Variants in FAM120B observed in about 807,000 individuals in gnomAD.
FAM120B encodes family with sequence similarity 120 member B.
Under a neutral mutation model 96.3 loss-of-function variants are expected in FAM120B, and 83 were observed. That is an observed-to-expected ratio of 0.86 (90% CI 0.72 to 1.03). FAM120B has a LOEUF of 1.03. Among genes scored for constraint, FAM120B ranks in the 50% least tolerant of loss-of-function variants. The pLI, the probability that FAM120B is intolerant of heterozygous loss-of-function variation, is 0.00. For synonymous variants in FAM120B, 407 were observed against 402.7 expected (o/e 1.01, Z -0.13); for missense variants, 1,027 against 1,121.2 (o/e 0.92, Z 1.20).
intron 2 of FAM120B, among the ~76,000 whole-genome samples, chr6:170,322,606 A>G (rs1249195338): frequency 6.6e-6 from 1 of 152,058 alleles, no homozygotes; most frequent in Non-Finnish European, 1.5e-5. Flanking sequence ...GAAAAAGGAG[A>G]TTGAGGCTTT....
chr6:170,377,228 G>A (rs865963131), intron 6 of FAM120B, among the ~76,000 whole-genome samples: 2 of 104,508 alleles, frequency 1.9e-5, no homozygotes, highest in Non-Finnish European at 1.8e-5. Context: ...GTGCACACGC[G>A]TCCCTAATCC....
chr6:170,291,708 G>A (rs906745275), upstream of FAM120B, among the ~76,000 whole-genome samples: 1 of 152,300 alleles, frequency 6.6e-6, no homozygotes, highest in African/African-American at 2.4e-5. Flanking sequence ...CGCGGGCGGG[G>A]CCGGGACGCC....
In FAM120B at chr6:170,368,217, G is replaced by C. The variant is rs114361073; in HGVS notation, c.2283+9899G>C. Among the ~76,000 whole-genome samples the C allele has an allele frequency of 6.4e-3, 968 of 152,280 alleles. 10 individuals carry two copies. Among genetic ancestry groups the C allele is most frequent in the African/African-American group, 0.022 (928 of 41,552 alleles). On this transcript the variant is annotated intron_variant, in intron 6 of 10. Coordinates refer to ENST00000476287, the MANE Select transcript of FAM120B (RefSeq NM_032448.3). ...CAGATTAGTGGAACGGTTTGCACCA[G>C]GTCAAGGTATAGTGCATGTCTGAGC...
chr6:170,383,774 A>G (rs571470332), intron 6 of FAM120B, among the ~76,000 whole-genome samples: 5 of 152,368 alleles, frequency 3.3e-5, no homozygotes, highest in East Asian at 1.9e-4. Context: ...TGAACTAGCA[A>G]TCACATGCCT....
At position 170,363,270 on chromosome 6, in the gene FAM120B, A is replaced by G. The variant is rs1319752568; in HGVS notation, c.2283+4952A>G. Reference sequence around the variant, plus strand: ...GCTAATCATTGGGAAGTTCTTGGTCATTTTTTGGTTGGAAAATTAAAAGGA... The same window carrying G: ...GCTAATCATTGGGAAGTTCTTGGTCGTTTTTTGGTTGGAAAATTAAAAGGA... On this transcript the variant is annotated intron_variant, in intron 6 of 10. Transcript: ENST00000476287. The surrounding 1 kb of genome is among the most constrained non-coding windows in gnomAD (Gnocchi z 4.5). Among the ~76,000 whole-genome samples the G allele has an allele frequency of 3.3e-5, 5 of 152,204 alleles. No individual in the cohort carries two copies. Among genetic ancestry groups the G allele is most frequent in the Non-Finnish European group, 5.9e-5 (4 of 68,042 alleles).
intron 4 of FAM120B, among the ~76,000 whole-genome samples, chr6:170,344,884 C>A (rs1787076079): frequency 6.6e-6 from 1 of 152,214 alleles, no homozygotes; most frequent in African/African-American, 2.4e-5. Flanking sequence ...TTCCCCTTTT[C>A]TTCTCTCGTC....
chr6:170,353,650 A>G (rs545959858), intron 5 of FAM120B, among the ~76,000 whole-genome samples: 39 of 152,224 alleles, frequency 2.6e-4, no homozygotes, highest in Non-Finnish European at 4.4e-4. Flanking sequence ...AAAGCAAATC[A>G]CAAATAAACT....
intron 1 of FAM120B, among the ~76,000 whole-genome samples, chr6:170,309,270 A>G (rs1264291128): frequency 6.6e-6 from 1 of 152,228 alleles, no homozygotes; most frequent in East Asian, 1.9e-4. Context: ...TAAATTATTT[A>G]TGCAAAGATA....
At chr6:170,364,931 A>G (rs1788679082) in intron 6 of FAM120B, among the ~76,000 whole-genome samples, 2 of 152,328 alleles carry the variant, frequency 1.3e-5, no homozygotes, top group South Asian at 4.1e-4. Context: ...GTACATGTTC[A>G]TATAGATGAC....
Position 170,405,941 on chromosome 6 carries a change from C to T in FAM120B, c.*1190C>T, listed in dbSNP as rs1471941656. On this transcript the variant is annotated 3_prime_UTR_variant, in exon 11 of 11. Transcript: ENST00000476287. ...AGCCAGCGGCTGGGCTGCCATCAGG[C>T]CTGGTTTATGATGCCACAAGTGAAT... The T allele has an allele frequency of 6.6e-6, 1 of 152,054 alleles. No homozygotes were observed. Among genetic ancestry groups the T allele is most frequent in the Non-Finnish European group, 1.5e-5 (1 of 68,038 alleles). The allele number at this position is 152,054 out of a possible 1,614,324, so 9.4% of individuals were successfully genotyped here.
chr6:170,328,157 AT>A (rs1785731612), intron 3 of FAM120B, among the ~76,000 whole-genome samples: 1 of 151,794 alleles, frequency 6.6e-6, no homozygotes, highest in South Asian at 2.1e-4. Context: ...ATACAAACAC[AT>A]TATACAACTG....
chr6:170,374,307 G>T (rs1000373771), intron 6 of FAM120B, among the ~76,000 whole-genome samples: 4 of 152,160 alleles, frequency 2.6e-5, no homozygotes, highest in African/African-American at 9.7e-5. Flanking sequence ...TAAATTATAC[G>T]TAAATTGTGA....
At chr6:170,365,548 C>A (rs763315817) in intron 6 of FAM120B, among the ~76,000 whole-genome samples, 4 of 152,192 alleles carry the variant, frequency 2.6e-5, no homozygotes, top group Non-Finnish European at 4.4e-5. Flanking sequence ...GAAGCATGAA[C>A]CCATGGAGGA....
Position 170,363,933 on chromosome 6 carries a change from A to G in FAM120B, c.2283+5615A>G, listed in dbSNP as rs1363934624. Among the ~76,000 whole-genome samples, 1 of 152,110 alleles carries G rather than the reference A, an allele frequency of 6.6e-6. No homozygotes were observed. The highest frequency in any genetic ancestry group is 1.5e-5 in the Non-Finnish European group (1 of 68,018). ...TTTTCAATAGAGATGGGGTTTTACC[A>G]TGTTGGCCAGACTGGTCTGGAACTC... On this transcript the variant is annotated intron_variant, in intron 6 of 10. Transcript: ENST00000476287. The surrounding 1 kb of genome is among the most constrained non-coding windows in gnomAD (Gnocchi z 4.5).
chr6:170,306,432 G>A (rs1212027251), upstream of FAM120B: 2 of 152,320 alleles, frequency 1.3e-5, no homozygotes. Flanking sequence ...GACAAAGACC[G>A]GCATGCAGCG....
chr6:170,348,788 C>A (rs546646500), intron 5 of FAM120B, among the ~76,000 whole-genome samples: 3 of 152,262 alleles, frequency 2.0e-5, no homozygotes, highest in African/African-American at 7.2e-5. Flanking sequence ...CATCATCCAG[C>A]AAATGTTTAT....
At position 170,318,098 on chromosome 6, in the gene FAM120B, G is replaced by T; in HGVS notation, c.708G>T (p.Glu236Asp). Residue 236 changes from glutamate to aspartate, a missense_variant, in exon 2 of 11, where the codon GAG becomes GAT. Glu to Asp is a conservative substitution (Grantham distance 45). This residue lies in a region of FAM120B where 880 missense variants were observed against 980.9 expected (regional missense o/e 0.90). Transcript: ENST00000476287. ...ACLLGNDIIPEGMFESFRYKC... is the reference protein window; with the variant it reads ...ACLLGNDIIPDGMFESFRYKC... ...TCCTTGGCAACGACATAATCCCAGAGGGCATGTTTGAAAGCTTTAGGTACA... is the reference window on the plus strand; with the variant it reads ...TCCTTGGCAACGACATAATCCCAGATGGCATGTTTGAAAGCTTTAGGTACA... The T allele has an allele frequency of 6.2e-7, 1 of 1,614,216 alleles. No individual in the cohort carries two copies. Among genetic ancestry groups the T allele is most frequent in the Non-Finnish European group, 8.5e-7 (1 of 1,180,044 alleles).
At chr6:170,378,967 G>T (rs1482420550) in intron 6 of FAM120B, among the ~76,000 whole-genome samples, 2 of 152,242 alleles carry the variant, frequency 1.3e-5, no homozygotes, top group Non-Finnish European at 2.9e-5. Context: ...GGCAAATCAG[G>T]AGGAGCAAGG....
intron 5 of FAM120B, among the ~76,000 whole-genome samples, chr6:170,353,600 G>A (rs1033470476): frequency 6.6e-6 from 1 of 151,152 alleles, no homozygotes. Context: ...CAAAGTCTCG[G>A]GATATAAAAT....
Sources: allele counts gnomAD v4.1 joint callset (sites outside exome capture counted in the v4.1 genomes callset), GRCh38; gene constraint gnomAD v4.1.1; regional missense constraint gnomAD v4.1.1; non-coding constraint Gnocchi (gnomAD v3.1); transcripts MANE v1.5; gene names NCBI Gene and HGNC (gene_info 2026-07-23, HGNC 2026-07-21).